SLC25A21: variants seen among roughly 807,000 people sequenced by gnomAD.
SLC25A21 encodes the protein mitochondrial 2-oxodicarboxylate carrier.
Under a neutral mutation model 43.8 loss-of-function variants are expected in SLC25A21, and 47 were observed. The observed-to-expected ratio is 1.07, with a 90% CI of 0.85 to 1.37. SLC25A21 has a LOEUF of 1.37. Among genes scored for constraint, SLC25A21 ranks in the 40% most tolerant of loss-of-function variants. The pLI is 0.00. For missense variants in SLC25A21, 352 were observed against 350.2 expected (o/e 1.00, Z -0.04); for synonymous variants, 131 against 121.3 (o/e 1.08, Z -0.52).
At chr14:36,731,130 G>A (rs573608181) in intron 4 of SLC25A21, among the ~76,000 whole-genome samples, 7 of 152,106 alleles carry the variant, frequency 4.6e-5, no homozygotes, top group African/African-American at 1.4e-4. Flanking sequence ...CCGCTACCAC[G>A]CCCGGCTAAT....
intron 1 of SLC25A21, among the ~76,000 whole-genome samples, chr14:37,042,261 T>C (rs1328475734): frequency 6.6e-6 from 1 of 152,202 alleles, no homozygotes; most frequent in South Asian, 2.1e-4. Context: ...AACTTTCTAT[T>C]TGGACTTCCA....
intron 1 of SLC25A21, among the ~76,000 whole-genome samples, chr14:37,134,913 C>A (rs1210268949): frequency 1.3e-5 from 2 of 149,218 alleles, no homozygotes; most frequent in East Asian, 2.0e-4. Context: ...GGCAACATAG[C>A]AAAATCTCAT....
chr14:36,787,531 T>C (rs1045276413), intron 3 of SLC25A21, among the ~76,000 whole-genome samples: 2 of 152,222 alleles, frequency 1.3e-5, no homozygotes, highest in Admixed American at 6.5e-5. Context: ...AAAATTAATG[T>C]TGAAATTAAC....
chr14:37,066,518 T>A (rs1458651308), intron 1 of SLC25A21, among the ~76,000 whole-genome samples: 1 of 152,060 alleles, frequency 6.6e-6, no homozygotes, highest in Non-Finnish European at 1.5e-5. Flanking sequence ...AGTGGTAAAT[T>A]AAAATTTACC....
At chr14:36,927,036 C>T (rs1022091092) in intron 1 of SLC25A21, among the ~76,000 whole-genome samples, 1 of 151,922 alleles carries the variant, frequency 6.6e-6, no homozygotes, top group African/African-American at 2.4e-5. Context: ...CAGGCGTGGT[C>T]GTGTGTGCCT....
chr14:36,941,106 T>C (rs1349808429), intron 1 of SLC25A21, among the ~76,000 whole-genome samples: 1 of 152,116 alleles, frequency 6.6e-6, no homozygotes, highest in Non-Finnish European at 1.5e-5. Flanking sequence ...ACTCAAGCTT[T>C]ACTCAAAATA....
Position 36,992,437 on chromosome 14 carries a change from T to A in SLC25A21, c.71-117433A>T, listed in dbSNP as rs575025295. On this transcript the variant is annotated intron_variant, in intron 1 of 9. Transcript: ENST00000331299. ...AAAAATAAATAAATAATAAAAAAAT[T>A]TTTTTTAAAGAATAGCACTGTTTCT... Among the ~76,000 whole-genome samples the A allele has an allele frequency of 1.4e-3, 207 of 152,170 alleles. 1 individual carries two copies. Among genetic ancestry groups the A allele is most frequent in the African/African-American group, 4.9e-3 (202 of 41,540 alleles).
At chr14:36,833,352 G>T (rs886562458) in intron 2 of SLC25A21, among the ~76,000 whole-genome samples, 6 of 152,202 alleles carry the variant, frequency 3.9e-5, no homozygotes, top group African/African-American at 9.6e-5. Flanking sequence ...TGCTCCCTGG[G>T]TAGAGGGGAA....
intron 1 of SLC25A21, among the ~76,000 whole-genome samples, chr14:37,024,654 T>C (rs1293477231): frequency 6.6e-6 from 1 of 151,948 alleles, no homozygotes; most frequent in Non-Finnish European, 1.5e-5. Context: ...AAAAAACAGA[T>C]CAACAGCTTT....
At chr14:36,874,889 G>C in intron 2 of SLC25A21, 67 bp downstream of exon 2, 1 of 1,348,756 alleles carries the variant, frequency 7.4e-7, no homozygotes, top group Non-Finnish European at 1.0e-6. Context: ...CTAGCATTTA[G>C]TGCTCTGACA....
At chr14:36,909,444 T>TTCA (rs1399097884) in intron 1 of SLC25A21, among the ~76,000 whole-genome samples, 1 of 152,186 alleles carries the variant, frequency 6.6e-6, no homozygotes. Context: ...GTAAAGCGTA[T>TTCA]TCAACTGCAC....
intron 2 of SLC25A21, among the ~76,000 whole-genome samples, chr14:36,817,094 G>A (rs542170940): frequency 1.3e-5 from 2 of 152,092 alleles, no homozygotes; most frequent in East Asian, 3.9e-4. Context: ...TTTCTTTCTA[G>A]ATGCATTTTC....
At chr14:37,055,122 G>A (rs780484950) in intron 1 of SLC25A21, among the ~76,000 whole-genome samples, 1 of 152,204 alleles carries the variant, frequency 6.6e-6, no homozygotes, top group Admixed American at 6.5e-5. Flanking sequence ...AGGTGTATAG[G>A]GGGTGTGAGA....
At chr14:36,777,807 C>G (rs1036552106) in intron 3 of SLC25A21, among the ~76,000 whole-genome samples, 5 of 152,170 alleles carry the variant, frequency 3.3e-5, no homozygotes, top group Non-Finnish European at 7.4e-5. Flanking sequence ...TAACCTGTTA[C>G]AACAGTCCTA....
intron 2 of SLC25A21, among the ~76,000 whole-genome samples, chr14:36,834,035 C>T (rs1416478544): frequency 2.0e-5 from 3 of 152,156 alleles, no homozygotes; most frequent in African/African-American, 7.2e-5. Flanking sequence ...ACCTTTGGAC[C>T]TTTTGGTCAT....
intron 1 of SLC25A21, among the ~76,000 whole-genome samples, chr14:37,146,894 C>A (rs1305730180): frequency 5.9e-5 from 9 of 152,304 alleles, no homozygotes; most frequent in Admixed American, 1.3e-4. Flanking sequence ...ATTTTCCAAT[C>A]TAGAAATAGT....
intron 2 of SLC25A21, among the ~76,000 whole-genome samples, chr14:36,856,658 A>G (rs999994046): frequency 6.6e-6 from 1 of 152,146 alleles, no homozygotes; most frequent in Non-Finnish European, 1.5e-5. Flanking sequence ...TGATGTGTGG[A>G]AGCTCCACCC....
chr14:36,886,412 A>G (rs1032965650), intron 1 of SLC25A21, among the ~76,000 whole-genome samples: 6 of 152,218 alleles, frequency 3.9e-5, no homozygotes, highest in African/African-American at 1.4e-4. Context: ...ACACTTTCAC[A>G]TAAGTTTACC....
intron 3 of SLC25A21, among the ~76,000 whole-genome samples, chr14:36,809,402 T>C (rs6571763): frequency 0.043 from 6,623 of 152,264 alleles, 505 homozygotes; most frequent in African/African-American, 0.15. Flanking sequence ...TACTTGGAGT[T>C]TGGAATGCCT....
Sources: allele counts gnomAD v4.1 joint callset (sites outside exome capture counted in the v4.1 genomes callset), GRCh38; gene constraint gnomAD v4.1.1; transcripts MANE v1.5; gene names NCBI Gene and HGNC (gene_info 2026-07-23, HGNC 2026-07-21).